Variants in GALNT8 observed in about 807,000 individuals in gnomAD.
GALNT8 encodes probable polypeptide N-acetylgalactosaminyltransferase 8.
Under a neutral mutation model 62.7 loss-of-function variants are expected in GALNT8, and 66 were observed. The observed-to-expected ratio is 1.05, with a 90% CI of 0.86 to 1.29. The LOEUF (loss-of-function observed/expected upper bound fraction) is 1.29, where lower values mean the gene tolerates loss of function less well. Ranked by LOEUF, GALNT8 falls within the 50% of genes most tolerant of loss-of-function variation. GALNT8 has a pLI of 0.00. For synonymous variants in GALNT8, 288 were observed against 294.3 expected (o/e 0.98, Z 0.22); for missense variants, 771 against 791.8 (o/e 0.97, Z 0.32).
intron 10 of GALNT8, 26 bp downstream of exon 10, chr12:4,765,572 G>T: frequency 6.4e-7 from 1 of 1,566,932 alleles, no homozygotes; most frequent in Non-Finnish European, 8.7e-7. Context: ...TTGTTTGTTG[G>T]TTTGTTTGTT....
Position 4,720,875 on chromosome 12 carries a change from A to G in GALNT8, c.198A>G (p.Glu66=). 1 of 1,590,888 alleles carries G rather than the reference A, an allele frequency of 6.3e-7. No homozygotes were observed. The highest frequency in any genetic ancestry group is 2.2e-5 in the East Asian group (1 of 44,762). ...AGAGACTCTCCCACTTGGAGGTGGA[A>G]TTGCAGGATCTGAGTAAGTTTACAA... is the stretch of plus-strand genomic sequence containing the variant. The part of the protein sequence containing the change: ...VIKRLSHLEV[E]LQDLKESMKL... Residue 66 remains glutamate (E), a synonymous_variant, in exon 1 of 11, where the codon GAA becomes GAG. Coordinates refer to ENST00000252318, the MANE Select transcript of GALNT8 (RefSeq NM_017417.2).
chr12:4,723,626 C>A (rs1946180928), intron 1 of GALNT8, among the ~76,000 whole-genome samples: 1 of 152,048 alleles, frequency 6.6e-6, no homozygotes, highest in Non-Finnish European at 1.5e-5. Context: ...TTGCAAAGAT[C>A]TTTCTTGTTA....
chr12:4,729,954 A>G (rs927772194), intron 2 of GALNT8, among the ~76,000 whole-genome samples: 1 of 152,116 alleles, frequency 6.6e-6, no homozygotes, highest in African/African-American at 2.4e-5. Flanking sequence ...TGTGAGTTTA[A>G]TTTGCATTTT....
chr12:4,757,117 C>T (rs1043477974), intron 6 of GALNT8, among the ~76,000 whole-genome samples: 4 of 152,158 alleles, frequency 2.6e-5, no homozygotes, highest in African/African-American at 4.8e-5. Context: ...TTGCCTTCTG[C>T]CATGATTGTA....
At position 4,726,477 on chromosome 12, in the gene GALNT8, AAC is replaced by A; in HGVS notation, c.212-54_212-53del. On this transcript the variant is annotated intron_variant, in intron 1 of 10. Transcript: ENST00000252318. This position sits in a 1 kb window ranked among gnomAD's most constrained non-coding sequence, Gnocchi z 4.1. ...TTAGGATGGAAAGGAATACCCAGGT[AAC>A]TAAGGAGGGGCTGAAATGTTTTCTC... The A allele has an allele frequency of 8.0e-7, 1 of 1,247,022 alleles. No homozygotes were observed. The highest frequency in any genetic ancestry group is 1.4e-5 in the South Asian group (1 of 71,456). The allele number at this position is 1,247,022 out of a possible 1,614,324, so 77.2% of individuals were successfully genotyped here. A position where few individuals can be genotyped will look rare whatever the true frequency, so the allele number is the denominator to read the frequency against.
In GALNT8 at chr12:4,747,173, T is replaced by G. The variant is rs146004266; in HGVS notation, c.1173+915T>G. Among the ~76,000 whole-genome samples, 832 of 152,322 alleles carry G rather than the reference T, an allele frequency of 5.5e-3. 12 individuals carry two copies. The highest frequency in any genetic ancestry group is 0.019 in the African/African-American group (796 of 41,586). On this transcript the variant is annotated intron_variant, in intron 6 of 10. Transcript: ENST00000252318. Reference sequence around the variant, plus strand: ...TGAATAATAATCATGTCATAGAGAATGGGGTATCCATCCCCTCAAGCATTT... The same window carrying G: ...TGAATAATAATCATGTCATAGAGAAGGGGGTATCCATCCCCTCAAGCATTT...
intron 10 of GALNT8, among the ~76,000 whole-genome samples, chr12:4,770,145 T>C (rs944184436): frequency 6.6e-6 from 1 of 151,482 alleles, no homozygotes; most frequent in African/African-American, 2.4e-5. Flanking sequence ...CTACTAAAAA[T>C]ACAAAAATTA....
chr12:4,752,092 T>A (rs1043966390), intron 6 of GALNT8, among the ~76,000 whole-genome samples: 6 of 152,174 alleles, frequency 3.9e-5, no homozygotes, highest in African/African-American at 1.4e-4. Context: ...TTGGTTTCCA[T>A]TGGTATGGAA....
intron 2 of GALNT8, among the ~76,000 whole-genome samples, chr12:4,733,483 A>G (rs1946229832): frequency 1.3e-5 from 2 of 152,366 alleles, no homozygotes; most frequent in Admixed American, 1.3e-4. Flanking sequence ...CACAGGAAAC[A>G]GGGCAGAGGA....
intron 9 of GALNT8, 65 bp downstream of exon 9, chr12:4,764,112 A>G (rs1946386823): frequency 2.2e-6 from 2 of 903,362 alleles, no homozygotes; most frequent in Admixed American, 1.7e-5. Context: ...CCTGGTAACC[A>G]TTGCTGGGTC....
At chr12:4,748,656 A>T (rs1408074339) in intron 6 of GALNT8, among the ~76,000 whole-genome samples, 3 of 152,100 alleles carry the variant, frequency 2.0e-5, no homozygotes, top group African/African-American at 4.8e-5. Flanking sequence ...AGGTAATGTG[A>T]TTCCTCCAGT....
chr12:4,772,711 T>A lies in GALNT8; in HGVS notation c.*114T>A, dbSNP rs896163937. On this transcript the variant is annotated 3_prime_UTR_variant, in exon 11 of 11. Coordinates refer to ENST00000252318, the MANE Select transcript of GALNT8 (RefSeq NM_017417.2). ...AAGAAAGCATGTGTATGTCTGTTTA[T>A]GGCGACTTCAGGTGGGGCCTGTGCG... The A allele has an allele frequency of 1.2e-6, 1 of 831,690 alleles. No homozygotes were observed. The highest frequency in any genetic ancestry group is 1.9e-6 in the Non-Finnish European group (1 of 527,452). 51.5% of individuals were successfully genotyped at this position (831,690 alleles called of 1,614,324 possible).
chr12:4,755,998 A>T (rs945839571), intron 6 of GALNT8, among the ~76,000 whole-genome samples: 1 of 152,214 alleles, frequency 6.6e-6, no homozygotes, highest in Non-Finnish European at 1.5e-5. Context: ...AAATGGGACC[A>T]TGTGAAGTCT....
chr12:4,720,566 A>T lies in GALNT8; in HGVS notation c.-112A>T. On this transcript the variant is annotated 5_prime_UTR_variant, in exon 1 of 11. Transcript: ENST00000252318. ...GTCTCACACAGGGGAGACCAACTCAACTGGCACCTAGAACTCTCTTTCCCA... is the reference window on the plus strand; with the variant it reads ...GTCTCACACAGGGGAGACCAACTCATCTGGCACCTAGAACTCTCTTTCCCA... 1.3e-6 allele frequency: 1 copy of T among 757,992 alleles called. No individual in the cohort carries two copies. The highest frequency in any genetic ancestry group is 2.3e-6 in the Non-Finnish European group (1 of 429,604). 47.0% of individuals were successfully genotyped at this position (757,992 alleles called of 1,614,324 possible).
chr12:4,771,959 A>G (rs1438419743), intron 10 of GALNT8, among the ~76,000 whole-genome samples: 2 of 152,196 alleles, frequency 1.3e-5, no homozygotes, highest in Non-Finnish European at 2.9e-5. Flanking sequence ...AGTCCCCTCA[A>G]TAGGAGAGGC....
chr12:4,768,411 T>A, intron 10 of GALNT8: 1 of 382,768 alleles, frequency 2.6e-6, no homozygotes, highest in Middle Eastern at 4.4e-4. Context: ...TTCATATCTT[T>A]TTTTTGTGTT....
chr12:4,746,232 G>T lies in GALNT8; in HGVS notation c.1147G>T (p.Gly383Ter). Residue 383 changes from glycine to a stop codon, truncating the protein, a stop_gained, in exon 6 of 11, where the codon GGA (glycine) becomes TGA (stop). Transcript: ENST00000252318. LOFTEE classifies it high-confidence loss of function. Reference sequence around the variant, plus strand: ...GGATGGTGGAATGCTCATCTATGGAGGAGAGAACGTGGAGCTTAGCCTGAG... The same window carrying T: ...GGATGGTGGAATGCTCATCTATGGATGAGAGAACGTGGAGCTTAGCCTGAG... Reference protein sequence around the residue: ...SLDGGMLIYGGENVELSLRVW... With the variant: ...SLDGGMLIYG 6.2e-7 allele frequency: 1 copy of T among 1,607,728 alleles called. No homozygotes were observed. Among genetic ancestry groups the T allele is most frequent in the Non-Finnish European group, 8.5e-7 (1 of 1,174,210 alleles).
chr12:4,744,281 T>C (rs1306997002), intron 3 of GALNT8, among the ~76,000 whole-genome samples: 1 of 152,170 alleles, frequency 6.6e-6, no homozygotes, highest in African/African-American at 2.4e-5. Context: ...AGTATTATCA[T>C]TTTAAGATAG....
intron 2 of GALNT8, among the ~76,000 whole-genome samples, chr12:4,731,270 A>G (rs1331755047): frequency 2.0e-5 from 3 of 152,358 alleles, no homozygotes; most frequent in Non-Finnish European, 4.4e-5. Flanking sequence ...TATCATATAT[A>G]GAATTGCTTG....
Sources: allele counts gnomAD v4.1 joint callset (sites outside exome capture counted in the v4.1 genomes callset), GRCh38; gene constraint gnomAD v4.1.1; non-coding constraint Gnocchi (gnomAD v3.1); transcripts MANE v1.5; gene names NCBI Gene and HGNC (gene_info 2026-07-23, HGNC 2026-07-21).